Variants in NLRP2 observed in about 807,000 individuals in gnomAD.
NLRP2 encodes the protein NACHT, LRR and PYD domains-containing protein 2.
NLRP2 carries 107 observed loss-of-function variants against 97.2 expected under a neutral mutation model. That is an observed-to-expected ratio of 1.10 (90% CI 0.94 to 1.29). The LOEUF (loss-of-function observed/expected upper bound fraction) is 1.29, where lower values mean the gene tolerates loss of function less well. NLRP2 is among the 50% of genes most tolerant of loss of function. The pLI, the probability that NLRP2 is intolerant of heterozygous loss-of-function variation, is 0.00. For missense variants in NLRP2, 1,495 were observed against 1,330.3 expected (o/e 1.12, Z -1.93); for synonymous variants, 663 against 551.5 (o/e 1.20, Z -2.83).
At chr19:54,968,939 G>T (rs8105408) in intron 1 of NLRP2, among the ~76,000 whole-genome samples, 1 of 151,768 alleles carries the variant, frequency 6.6e-6, no homozygotes, top group African/African-American at 2.4e-5. Context: ...CTGACCTCAC[G>T]ATCCGCCCGC....
chr19:54,997,387 C>T lies in NLRP2; in HGVS notation c.2950C>T (p.Leu984Phe). Reference sequence around the variant, plus strand: ...CTCTGCCCTCAGCTGCAACCAGAGCCTCGTCACTCTGGACCTGGGTCAGAA... The same window carrying T: ...CTCTGCCCTCAGCTGCAACCAGAGCTTCGTCACTCTGGACCTGGGTCAGAA... ...LCSALSCNQS[L>F]VTLDLGQNPL... The change falls in exon 12 of 13, where the codon CTC (leucine) becomes TTC (phenylalanine). Residue 984 changes from leucine (L) to phenylalanine (F), a missense_variant. Physicochemically the swap from Leu to Phe is conservative, Grantham distance 22. Transcript: ENST00000448584. 3 of 1,614,010 alleles carry T rather than the reference C, an allele frequency of 1.9e-6. No individual in the cohort carries two copies. Among genetic ancestry groups the T allele is most frequent in the Non-Finnish European group, 8.5e-7 (1 of 1,179,848 alleles).
In NLRP2 at chr19:54,985,758, G is replaced by A. The variant is rs547623758; in HGVS notation, c.2202-393G>A. Among the ~76,000 whole-genome samples, 12 of 152,064 alleles carry A rather than the reference G, an allele frequency of 7.9e-5. No individual in the cohort carries two copies. The South Asian group carries it at 2.5e-3, about 32-fold the overall frequency. The stretch of plus-strand genomic sequence containing the variant: ...CGCCTGTAGTCCCAGCACTTTGGGG[G>A]CCCAAGGTGGGGGGATCACTTGAGG... On this transcript the variant is annotated intron_variant, in intron 7 of 12. Transcript: ENST00000448584.
At chr19:54,993,422 T>C (rs1321455083) in intron 10 of NLRP2, 1 of 152,120 alleles carries the variant, frequency 6.6e-6, no homozygotes, top group Non-Finnish European at 1.5e-5. Flanking sequence ...AGTTTAGAAC[T>C]CTATTGAGAC....
chr19:54,993,807 T>TG (rs2072643039), intron 10 of NLRP2: 1 of 269,984 alleles, frequency 3.7e-6, no homozygotes, highest in African/African-American at 2.2e-5. Context: ...AGGCGGAGGT[T>TG]GAAGTGAGCC....
chr19:54,986,487 A>G (rs10412569), intron 8 of NLRP2, 172 bp downstream of exon 8: 57,653 of 676,868 alleles, frequency 0.085, 3,855 homozygotes, highest in East Asian at 0.22. Flanking sequence ...CTTGCCTTGA[A>G]CAGTAAACAC....
intron 8 of NLRP2, among the ~76,000 whole-genome samples, chr19:54,987,266 A>G (rs1436724931): frequency 1.3e-5 from 2 of 152,090 alleles, no homozygotes; most frequent in East Asian, 1.9e-4. Flanking sequence ...GATTCAGAAT[A>G]CCAGCTATTG....
chr19:54,983,754 C>A, intron 6 of NLRP2, 26 bp downstream of exon 6: 1 of 1,604,154 alleles, frequency 6.2e-7, no homozygotes, highest in South Asian at 1.1e-5. Context: ...CTCTACCAGT[C>A]GTTCCATCTT....
Position 54,983,198 on chromosome 19 carries a change from C to T in NLRP2, c.1500C>T (p.Ser500=). ...RQDRVSKGCY[S]FIHLSFQQFL... ...ACAGAGTCTCCAAAGGCTGCTACTC[C>T]TTCATCCACCTCAGCTTCCAGCAGT... Residue 500 remains serine (S), a synonymous_variant, in exon 6 of 13, where the codon TCC becomes TCT. Coordinates refer to ENST00000448584, the MANE Select transcript of NLRP2 (RefSeq NM_017852.5). The T allele has an allele frequency of 6.2e-7, 1 of 1,614,112 alleles. No individual in the cohort carries two copies. Among genetic ancestry groups the T allele is most frequent in the Non-Finnish European group, 8.5e-7 (1 of 1,180,012 alleles).
chr19:54,969,068 G>C (rs1052429133), intron 1 of NLRP2, among the ~76,000 whole-genome samples: 1 of 152,050 alleles, frequency 6.6e-6, no homozygotes, highest in South Asian at 2.1e-4. Flanking sequence ...GATCCACGTA[G>C]CTCCCCACTT....
chr19:54,968,862 C>A (rs1010044218), intron 1 of NLRP2, among the ~76,000 whole-genome samples: 1 of 151,872 alleles, frequency 6.6e-6, no homozygotes, highest in Non-Finnish European at 1.5e-5. Context: ...CCACCACGCC[C>A]GGCTAATTTT....
At chr19:54,984,919 A>G in intron 6 of NLRP2, 128 bp from the exon 7 acceptor site, 6 of 861,782 alleles carry the variant, frequency 7.0e-6, no homozygotes, top group Non-Finnish European at 1.2e-5. Context: ...TGGTGGTGCT[A>G]ATAAGTGATT....
chr19:54,971,995 A>ATTTTTTTTTTT (rs61335843), intron 2 of NLRP2, among the ~76,000 whole-genome samples: 3 of 116,388 alleles, frequency 2.6e-5, no homozygotes, highest in African/African-American at 3.3e-5. Flanking sequence ...TGCCTGGCTG[A>ATTTTTTTTTTT]TTTTTTTTTT....
chr19:54,984,590 C>A (rs984063035), intron 6 of NLRP2, among the ~76,000 whole-genome samples: 2 of 145,028 alleles, frequency 1.4e-5, no homozygotes, highest in Non-Finnish European at 3.0e-5. Flanking sequence ...TTCAATGATT[C>A]TCCTGCCTCA....
intron 2 of NLRP2, among the ~76,000 whole-genome samples, chr19:54,973,538 C>G (rs2071009146): frequency 1.3e-5 from 2 of 151,742 alleles, no homozygotes; most frequent in African/African-American, 2.4e-5. Flanking sequence ...ACCATGCCCG[C>G]TAATTTTTGT....
At position 54,989,338 on chromosome 19, in the gene NLRP2, G is replaced by A. The variant is rs115895635; in HGVS notation, c.2367-684G>A. 2.9e-3 allele frequency among the ~76,000 whole-genome samples: 441 copies of A among 152,206 alleles called. 2 individuals carry two copies. The highest frequency in any genetic ancestry group is 0.01 in the African/African-American group (417 of 41,562). ...AATACAAAAATTAGCCAGGCAAGAT[G>A]GCATTTGCCTGTAATCCCAGCTACT... On this transcript the variant is annotated intron_variant, in intron 8 of 12. Coordinates refer to ENST00000448584, the MANE Select transcript of NLRP2 (RefSeq NM_017852.5).
intron 10 of NLRP2, among the ~76,000 whole-genome samples, chr19:54,993,010 A>G (rs940937207): frequency 6.6e-6 from 1 of 151,988 alleles, no homozygotes; most frequent in African/African-American, 2.4e-5. Context: ...TCATGAGGTC[A>G]GGAGTTCAAG....
chr19:54,968,213 C>CGGCCCTGTTGTTTTTAAAATA (rs2070601963), intron 1 of NLRP2, among the ~76,000 whole-genome samples: 1 of 120,516 alleles, frequency 8.3e-6, no homozygotes, highest in African/African-American at 3.2e-5. Flanking sequence ...CCACCGCACC[C>CGGCCCTGTTGTTTTTAAAATA]GGCCCTGTTG....
At chr19:54,981,478 T>G in intron 4 of NLRP2, 139 bp from the exon 5 acceptor site, 8 of 677,234 alleles carry the variant, frequency 1.2e-5, no homozygotes, top group Non-Finnish European at 1.6e-5. Context: ...GGAAAACACA[T>G]TTGTAGCTTA....
intron 11 of NLRP2, among the ~76,000 whole-genome samples, chr19:54,996,182 G>C (rs1458440335): frequency 6.6e-6 from 1 of 151,970 alleles, no homozygotes; most frequent in Non-Finnish European, 1.5e-5. Context: ...ACTCCAGCCT[G>C]GGCAACCGAG....
Sources: allele counts gnomAD v4.1 joint callset (sites outside exome capture counted in the v4.1 genomes callset), GRCh38; gene constraint gnomAD v4.1.1; transcripts MANE v1.5; gene names NCBI Gene and HGNC (gene_info 2026-07-23, HGNC 2026-07-21).